The following FBXO28 variants were observed in gnomAD, a reference collection of about 807,000 sequenced individuals.
The protein encoded by FBXO28 is F-box only protein 28.
Under a neutral mutation model 38.1 loss-of-function variants are expected in FBXO28, and 8 were observed. The observed-to-expected ratio is 0.21, with a 90% CI of 0.12 to 0.38. The LOEUF (loss-of-function observed/expected upper bound fraction) is 0.38, where lower values mean the gene tolerates loss of function less well. FBXO28 is among the 10% of genes least tolerant of loss of function. The pLI is 1.00. For synonymous variants in FBXO28, 168 were observed against 173.8 expected (o/e 0.97, Z 0.26); for missense variants, 345 against 460.6 (o/e 0.75, Z 2.30).
chr1:224,117,693 G>A (rs2102607150), intron 1 of FBXO28, among the ~76,000 whole-genome samples: 1 of 152,234 alleles, frequency 6.6e-6, no homozygotes, highest in Non-Finnish European at 1.5e-5. Flanking sequence ...TCTGAAACAA[G>A]TGGCAAAGGT....
chr1:224,151,745 A>G (rs1826421), intron 3 of FBXO28, among the ~76,000 whole-genome samples: 77,819 of 151,982 alleles, frequency 0.51, 20,978 homozygotes, highest in South Asian at 0.61. Context: ...TGGGGTCTTT[A>G]GAAGTAGGAA....
At chr1:224,135,983 C>T (rs1657172960) in intron 3 of FBXO28, among the ~76,000 whole-genome samples, 1 of 151,706 alleles carries the variant, frequency 6.6e-6, no homozygotes, top group Non-Finnish European at 1.5e-5. Context: ...TGCAGTGAGC[C>T]GAGATCATGC....
chr1:224,122,400 A>C (rs965221986), intron 1 of FBXO28, among the ~76,000 whole-genome samples: 1 of 152,272 alleles, frequency 6.6e-6, no homozygotes, highest in Admixed American at 6.5e-5. Flanking sequence ...TTTTGCCCCA[A>C]GTACTTTTTA....
chr1:224,135,630 A>AAAAAAAGAAAAAG (rs1553290016), intron 3 of FBXO28, among the ~76,000 whole-genome samples: 1 of 115,784 alleles, frequency 8.6e-6, no homozygotes, highest in Admixed American at 1.0e-4. Context: ...AAAAAAAAAA[A>AAAAAAAGAAAAAG]AAAAAGAAAA....
intron 3 of FBXO28, among the ~76,000 whole-genome samples, chr1:224,141,676 A>G (rs900694762): frequency 8.1e-5 from 12 of 147,860 alleles, no homozygotes; most frequent in African/African-American, 2.2e-4. Flanking sequence ...CGTACTGACT[A>G]TTGTAGGTGA....
At chr1:224,133,964 T>G in intron 2 of FBXO28, 110 bp from the exon 3 acceptor site, 1 of 744,448 alleles carries the variant, frequency 1.3e-6, no homozygotes, top group Non-Finnish European at 2.0e-6. Context: ...TGTAGATTTC[T>G]AAATTAACAT....
chr1:224,118,100 T>C (rs1215783792), intron 1 of FBXO28, among the ~76,000 whole-genome samples: 1 of 151,970 alleles, frequency 6.6e-6, no homozygotes, highest in Non-Finnish European at 1.5e-5. Flanking sequence ...CACAGCTCAC[T>C]GAAGCCTTGA....
At chr1:224,144,386 A>G (rs1421781531) in intron 3 of FBXO28, among the ~76,000 whole-genome samples, 1 of 151,952 alleles carries the variant, frequency 6.6e-6, no homozygotes, top group Non-Finnish European at 1.5e-5. Context: ...GCTTTAGCCC[A>G]GGAGGTCAGG....
At chr1:224,130,828 A>G in intron 2 of FBXO28, 2 of 386,392 alleles carry the variant, frequency 5.2e-6, no homozygotes, top group Non-Finnish European at 9.5e-6. Flanking sequence ...GGAAAAGAAG[A>G]AATAGAACTC....
intron 3 of FBXO28, among the ~76,000 whole-genome samples, chr1:224,151,217 A>ATGAGAT (rs1355200168): frequency 1.3e-5 from 2 of 152,066 alleles, no homozygotes; most frequent in African/African-American, 4.8e-5. Context: ...CCTGTATCTC[A>ATGAGAT]AGCCACCTGC....
intron 1 of FBXO28, among the ~76,000 whole-genome samples, chr1:224,129,916 G>A (rs968087617): frequency 3.3e-5 from 5 of 152,198 alleles, no homozygotes; most frequent in Non-Finnish European, 5.9e-5. Flanking sequence ...CGTGAACCCA[G>A]GAGGTGGAGC....
At chr1:224,146,053 C>G (rs184541678) in intron 3 of FBXO28, among the ~76,000 whole-genome samples, 1 of 141,728 alleles carries the variant, frequency 7.1e-6, no homozygotes, top group Admixed American at 7.3e-5. Flanking sequence ...GCAACAATAG[C>G]GAAACTCCTT....
intron 4 of FBXO28, among the ~76,000 whole-genome samples, chr1:224,153,773 G>A (rs2102635417): frequency 6.6e-6 from 1 of 151,954 alleles, no homozygotes; most frequent in South Asian, 2.1e-4. Flanking sequence ...ATACAAAAAT[G>A]TGCTGGGCAT....
At chr1:224,149,781 G>T (rs918764915) in intron 3 of FBXO28, among the ~76,000 whole-genome samples, 1 of 152,202 alleles carries the variant, frequency 6.6e-6, no homozygotes, top group African/African-American at 2.4e-5. Context: ...GTTGGATGAA[G>T]ATGTTAACAT....
At chr1:224,135,611 CAAAAAAAAAAAAA>C (rs71168313) in intron 3 of FBXO28, among the ~76,000 whole-genome samples, 7 of 110,766 alleles carry the variant, frequency 6.3e-5, no homozygotes, top group Admixed American at 5.2e-4. Flanking sequence ...GACTCTGTCT[CAAAAAAAAAAAAA>C]AAAAAAAAAA....
intron 3 of FBXO28, among the ~76,000 whole-genome samples, chr1:224,141,150 C>A (rs185818689): frequency 6.6e-6 from 1 of 151,800 alleles, no homozygotes; most frequent in Non-Finnish European, 1.5e-5. Flanking sequence ...CCACTGCACT[C>A]CAGCCTGGGC....
rs143381946 is a variant in FBXO28, at chr1:224,157,695, G to C, written c.1056G>C (p.Thr352=). 1.9e-5 allele frequency: 30 copies of C among 1,613,632 alleles called. No individual in the cohort carries two copies. The highest frequency in any genetic ancestry group is 2.3e-5 in the Non-Finnish European group (27 of 1,179,936). ...EESPRKRKKA[T]EAIDSLRKSK... ...CTCCTCGGAAACGAAAAAAGGCCAC[G>C]GAAGCCATAGACTCTCTTAGGAAAT... Residue 352 remains threonine, a synonymous_variant, in exon 5 of 5, where the codon ACG becomes ACC. Coordinates refer to ENST00000366862, the MANE Select transcript of FBXO28 (RefSeq NM_015176.4).
Position 224,133,843 on chromosome 1 carries a change from AT to A in FBXO28, c.378-230del, listed in dbSNP as rs1361524098. 1.2e-3 allele frequency among the ~76,000 whole-genome samples: 188 copies of A among 151,784 alleles called. 1 individual carries two copies. The highest frequency in any genetic ancestry group is 2.1e-3 in the Non-Finnish European group (143 of 67,952). ...ACCTAATTAAAATATATATATATAT[AT>A]ATAATTTGTTTTGTTTGTTTTCAAA... On this transcript the variant is annotated intron_variant, in intron 2 of 4. Coordinates refer to ENST00000366862, the MANE Select transcript of FBXO28 (RefSeq NM_015176.4).
intron 4 of FBXO28, among the ~76,000 whole-genome samples, 166 bp downstream of exon 4, chr1:224,153,503 A>C (rs1373717248): frequency 2.0e-5 from 3 of 152,194 alleles, no homozygotes; most frequent in East Asian, 1.9e-4. Context: ...CTAATCCACT[A>C]GTTAGGCTCA....
Sources: gnomAD v4.1 joint callset for allele counts (sites outside exome capture counted in the v4.1 genomes callset) on GRCh38, gnomAD v4.1.1 for gene constraint, MANE v1.5 for transcripts, NCBI Gene and HGNC (gene_info 2026-07-23, HGNC 2026-07-21) for gene names.